The following XPR1 variants were observed in gnomAD, a reference collection of about 807,000 sequenced individuals.
XPR1 encodes solute carrier family 53 member 1.
A neutral mutation model predicts 87.5 loss-of-function variants in XPR1; 28 were observed. That is an observed-to-expected ratio of 0.32 (90% CI 0.24 to 0.44). The LOEUF (loss-of-function observed/expected upper bound fraction) is 0.44, where lower values mean the gene tolerates loss of function less well. Ranked by LOEUF, XPR1 falls within the 20% of genes least tolerant of loss-of-function variation. XPR1 has a pLI of 1.00. For missense variants in XPR1, 559 were observed against 862.3 expected (o/e 0.65, Z 4.41); for synonymous variants, 300 against 306.1 (o/e 0.98, Z 0.21).
chr1:180,674,083 T>A (rs924357008), intron 1 of XPR1, among the ~76,000 whole-genome samples: 20 of 152,238 alleles, frequency 1.3e-4, no homozygotes, highest in African/African-American at 4.8e-4. Context: ...TTCTAAGTGT[T>A]ATGCATGTAT....
At chr1:180,685,045 G>T (rs1415767757) in intron 2 of XPR1, among the ~76,000 whole-genome samples, 1 of 151,858 alleles carries the variant, frequency 6.6e-6, no homozygotes, top group African/African-American at 2.4e-5. Flanking sequence ...GGTGAGAGAG[G>T]GCATCCCTGT....
intron 1 of XPR1, 143 bp downstream of exon 1, chr1:180,632,413 C>A (rs1301556139): frequency 8.9e-7 from 1 of 1,119,370 alleles, no homozygotes; most frequent in Non-Finnish European, 1.3e-6. Flanking sequence ...ACTGCGGCAT[C>A]CCCGCCGCGG....
At chr1:180,742,637 A>G (rs1202054070) in intron 2 of XPR1, among the ~76,000 whole-genome samples, 1 of 152,012 alleles carries the variant, frequency 6.6e-6, no homozygotes, top group Non-Finnish European at 1.5e-5. Context: ...TTTAAAGGTT[A>G]ATTACATCCA....
chr1:180,712,866 G>A (rs561885321), intron 2 of XPR1, among the ~76,000 whole-genome samples: 88 of 150,348 alleles, frequency 5.9e-4, no homozygotes, highest in African/African-American at 2.0e-3. Flanking sequence ...TGTATATGTA[G>A]GTCTATTTCT....
At chr1:180,777,880 G>A (rs898324247) in intron 2 of XPR1, among the ~76,000 whole-genome samples, 1 of 152,192 alleles carries the variant, frequency 6.6e-6, no homozygotes, top group Non-Finnish European at 1.5e-5. Context: ...AAACTATTGT[G>A]TAGGGAATAT....
In XPR1 at chr1:180,682,427, C is replaced by A; in HGVS notation, c.121+16C>A. On this transcript the variant is annotated intron_variant, in intron 2 of 14. Coordinates refer to ENST00000367590, the MANE Select transcript of XPR1 (RefSeq NM_004736.4). ...TCTGTGGAAGGTAAGATGAATTAAC[C>A]CTTAAGTTTAGTCACAGAAAACCTC... The A allele has an allele frequency of 6.3e-7, 1 of 1,590,258 alleles. No individual in the cohort carries two copies. Among genetic ancestry groups the A allele is most frequent in the Middle Eastern group, 1.7e-4 (1 of 5,974 alleles).
intron 1 of XPR1, among the ~76,000 whole-genome samples, chr1:180,637,609 A>C (rs1302309333): frequency 6.6e-6 from 1 of 152,192 alleles, no homozygotes; most frequent in Non-Finnish European, 1.5e-5. Context: ...GCTGGAGTGC[A>C]GTGGCCTGAT....
At chr1:180,866,755 A>G (rs966720712) in intron 12 of XPR1, among the ~76,000 whole-genome samples, 2 of 151,924 alleles carry the variant, frequency 1.3e-5, no homozygotes, top group Non-Finnish European at 2.9e-5. Flanking sequence ...ATAATATCTA[A>G]AATTGAGTAA....
intron 2 of XPR1, among the ~76,000 whole-genome samples, chr1:180,725,191 A>G (rs560752824): frequency 6.6e-6 from 1 of 152,344 alleles, no homozygotes; most frequent in South Asian, 2.1e-4. Context: ...AATCTTAACC[A>G]TACCCAAGAT....
chr1:180,748,969 C>T (rs976845414), intron 2 of XPR1, among the ~76,000 whole-genome samples: 14 of 152,232 alleles, frequency 9.2e-5, no homozygotes, highest in African/African-American at 3.1e-4. Flanking sequence ...GAGTCCAAGG[C>T]AGGAGAATCA....
intron 1 of XPR1, among the ~76,000 whole-genome samples, chr1:180,643,399 A>G (rs573360186): frequency 2.6e-4 from 39 of 152,340 alleles, no homozygotes; most frequent in Non-Finnish European, 4.1e-4. Flanking sequence ...ATAATGGTGT[A>G]TGTTGTTATT....
At chr1:180,710,666 C>A (rs11585424) in intron 2 of XPR1, among the ~76,000 whole-genome samples, 5 of 152,218 alleles carry the variant, frequency 3.3e-5, no homozygotes, top group African/African-American at 1.2e-4. Context: ...CCTTACTATT[C>A]GACAAAACCG....
chr1:180,876,206 A>AT (rs1177923694), intron 13 of XPR1, among the ~76,000 whole-genome samples: 1 of 152,240 alleles, frequency 6.6e-6, no homozygotes, highest in Non-Finnish European at 1.5e-5. Flanking sequence ...CTACAATGAC[A>AT]TTTTAATAAA....
At chr1:180,856,886 A>G (rs892213620) in intron 11 of XPR1, among the ~76,000 whole-genome samples, 1 of 152,238 alleles carries the variant, frequency 6.6e-6, no homozygotes, top group Non-Finnish European at 1.5e-5. Flanking sequence ...GCACTGTTGC[A>G]TAATTTAACT....
At chr1:180,675,678 A>G (rs1214650278) in intron 1 of XPR1, among the ~76,000 whole-genome samples, 1 of 152,176 alleles carries the variant, frequency 6.6e-6, no homozygotes, top group African/African-American at 2.4e-5. Context: ...TCGGAGTTTT[A>G]TATAAAGTGC....
At chr1:180,795,728 G>A (rs1159538353) in intron 3 of XPR1, among the ~76,000 whole-genome samples, 2 of 152,146 alleles carry the variant, frequency 1.3e-5, no homozygotes, top group African/African-American at 4.8e-5. Flanking sequence ...TGGTCTTGAG[G>A]ATAAGACAGA....
chr1:180,794,061 T>C (rs1036822151), intron 3 of XPR1, among the ~76,000 whole-genome samples: 3 of 152,158 alleles, frequency 2.0e-5, no homozygotes, highest in African/African-American at 7.2e-5. Context: ...AATGAAAATA[T>C]AGTTACGTGT....
chr1:180,872,768 A>G (rs1652543718), intron 12 of XPR1, among the ~76,000 whole-genome samples: 2 of 149,722 alleles, frequency 1.3e-5, no homozygotes, highest in African/African-American at 4.9e-5. Flanking sequence ...TGCAGAAATC[A>G]CCCGTCTTCT....
chr1:180,853,656 CA>C (rs1651940563), intron 11 of XPR1, among the ~76,000 whole-genome samples: 1 of 151,794 alleles, frequency 6.6e-6, no homozygotes, highest in Non-Finnish European at 1.5e-5. Context: ...CACACACACA[CA>C]CACACACACA....
Sources: gnomAD v4.1 joint callset for allele counts (sites outside exome capture counted in the v4.1 genomes callset) on GRCh38, gnomAD v4.1.1 for gene constraint, MANE v1.5 for transcripts, NCBI Gene and HGNC (gene_info 2026-07-23, HGNC 2026-07-21) for gene names.